TIAM1: variants seen among roughly 807,000 people sequenced by gnomAD.
The protein encoded by TIAM1 is TIAM Rac1 associated GEF 1.
Under a neutral mutation model 163.5 loss-of-function variants are expected in TIAM1, and 65 were observed. That is an observed-to-expected ratio of 0.40 (90% CI 0.33 to 0.49). The LOEUF (loss-of-function observed/expected upper bound fraction) is 0.49, where lower values mean the gene tolerates loss of function less well. Among genes scored for constraint, TIAM1 ranks in the 20% least tolerant of loss-of-function variants. TIAM1 has a pLI of 0.77. For synonymous variants in TIAM1, 833 were observed against 810.1 expected (o/e 1.03, Z -0.48); for missense variants, 1,789 against 2,044.7 (o/e 0.87, Z 2.41).
chr21:31,386,561 C>T (rs1018814755), intron 2 of TIAM1, among the ~76,000 whole-genome samples: 1 of 152,146 alleles, frequency 6.6e-6, no homozygotes, highest in Non-Finnish European at 1.5e-5. Flanking sequence ...CTAAGACACC[C>T]ATATTGCATG....
chr21:31,377,544 G>T (rs2076707990), intron 2 of TIAM1, among the ~76,000 whole-genome samples: 1 of 152,124 alleles, frequency 6.6e-6, no homozygotes, highest in South Asian at 2.1e-4. Context: ...CATCTGCAGT[G>T]ACTACATCAC....
intron 2 of TIAM1, among the ~76,000 whole-genome samples, chr21:31,287,925 G>A (rs953940449): frequency 7.2e-5 from 11 of 152,100 alleles, no homozygotes; most frequent in South Asian, 2.1e-4. Context: ...ATGGCCCAAC[G>A]GGGACAGTGA....
intron 6 of TIAM1, among the ~76,000 whole-genome samples, chr21:31,228,804 C>T (rs2088216773): frequency 6.6e-6 from 1 of 152,142 alleles, no homozygotes; most frequent in African/African-American, 2.4e-5. Flanking sequence ...AATTGACTCA[C>T]AGTTCAGCAT....
At chr21:31,294,126 A>G (rs557269047) in intron 2 of TIAM1, among the ~76,000 whole-genome samples, 2 of 152,294 alleles carry the variant, frequency 1.3e-5, no homozygotes, top group South Asian at 2.1e-4. Flanking sequence ...CTCAATTCCA[A>G]TGCAGCTGGG....
chr21:31,318,011 C>T, intron 2 of TIAM1, among the ~76,000 whole-genome samples: 1 of 152,224 alleles, frequency 6.6e-6, no homozygotes, highest in East Asian at 1.9e-4. Context: ...CTTTAGGTTA[C>T]TGCACAATCA....
intron 16 of TIAM1, among the ~76,000 whole-genome samples, chr21:31,154,694 G>A (rs9647059): frequency 0.15 from 22,102 of 152,092 alleles, 2,074 homozygotes; most frequent in African/African-American, 0.25. Flanking sequence ...TAAGGACAAC[G>A]GAAGCCCAGA....
intron 2 of TIAM1, among the ~76,000 whole-genome samples, chr21:31,332,737 C>A (rs963727342): frequency 6.6e-6 from 1 of 151,534 alleles, no homozygotes; most frequent in Admixed American, 6.6e-5. Flanking sequence ...CGATAAAACA[C>A]CCACACTCAC....
intron 6 of TIAM1, among the ~76,000 whole-genome samples, chr21:31,244,051 G>GT (rs2071364448): frequency 1.3e-5 from 2 of 152,138 alleles, no homozygotes; most frequent in South Asian, 4.1e-4. Flanking sequence ...CTGGTTGGTG[G>GT]TTGCATAATT....
intron 1 of TIAM1, among the ~76,000 whole-genome samples, chr21:31,530,236 C>G (rs944552533): frequency 6.6e-6 from 1 of 152,212 alleles, no homozygotes; most frequent in South Asian, 2.1e-4. Flanking sequence ...TAGCTATCAT[C>G]GATCTACCTG....
At chr21:31,515,732 G>A (rs780337227) in intron 1 of TIAM1, among the ~76,000 whole-genome samples, 12 of 152,154 alleles carry the variant, frequency 7.9e-5, no homozygotes, top group Non-Finnish European at 1.8e-4. Context: ...GCCAGACTCG[G>A]TCAGAATTTC....
chr21:31,244,095 G>GT (rs2071367961), intron 6 of TIAM1, among the ~76,000 whole-genome samples: 1 of 152,118 alleles, frequency 6.6e-6, no homozygotes, highest in South Asian at 2.1e-4. Context: ...GTACACTTAT[G>GT]TTGTGTGCAC....
chr21:31,269,312 A>C (rs1249800798), intron 3 of TIAM1, among the ~76,000 whole-genome samples: 1 of 152,232 alleles, frequency 6.6e-6, no homozygotes, highest in African/African-American at 2.4e-5. Context: ...CCAAGGTAGG[A>C]AAGAAGCCAC....
At chr21:31,475,046 ATTATTATTATTATTAT>A (rs1348823808) in intron 1 of TIAM1, among the ~76,000 whole-genome samples, 3 of 66,642 alleles carry the variant, frequency 4.5e-5, no homozygotes, top group African/African-American at 1.3e-4. Flanking sequence ...TATTATTATT[ATTATTATTATTATTAT>A]TTAGTTTTAG....
At chr21:31,327,531 T>C (rs562658319) in intron 2 of TIAM1, among the ~76,000 whole-genome samples, 1 of 150,356 alleles carries the variant, frequency 6.7e-6, no homozygotes, top group East Asian at 1.9e-4. Flanking sequence ...TCCCAGCTAC[T>C]TGGGAGGCTG....
intron 1 of TIAM1, among the ~76,000 whole-genome samples, chr21:31,550,079 G>A (rs562022446): frequency 4.6e-5 from 7 of 151,770 alleles, no homozygotes; most frequent in African/African-American, 9.7e-5. Flanking sequence ...AGCCGAAATC[G>A]TGCCTCTGCA....
At chr21:31,210,308 GA>G in intron 10 of TIAM1, 93 bp from the exon 11 acceptor site, 1 of 1,385,320 alleles carries the variant, frequency 7.2e-7, no homozygotes, top group Non-Finnish European at 1.0e-6. Context: ...CGATTCCCAT[GA>G]AAACAGCCCA....
At chr21:31,219,742 A>C (rs940366830) in intron 8 of TIAM1, among the ~76,000 whole-genome samples, 3 of 150,552 alleles carry the variant, frequency 2.0e-5, no homozygotes, top group African/African-American at 2.5e-5. Context: ...AAAAAAACAA[A>C]ACAAAACAAA....
rs149621884 is a variant in TIAM1 at position 31,396,832 on chromosome 21, T to G, written c.-368-57410A>C. ...CGGGCCTGGTAGCAGATGCCTGTAA[T>G]CCGAGCTACTCAGGAGGCTGAGACA... is the stretch of plus-strand genomic sequence containing the variant. On this transcript the variant is annotated intron_variant, in intron 2 of 28. Transcript: ENST00000286827. Among the ~76,000 whole-genome samples the G allele has an allele frequency of 9.2e-3, 1,404 of 151,836 alleles. 17 individuals are homozygous for G. The highest frequency in any genetic ancestry group is 0.032 in the African/African-American group (1,314 of 41,398).
At chr21:31,140,760 C>T (rs1319845752) in intron 22 of TIAM1, among the ~76,000 whole-genome samples, 3 of 152,184 alleles carry the variant, frequency 2.0e-5, no homozygotes, top group South Asian at 2.1e-4. Flanking sequence ...CCACTATGTG[C>T]CTGGTGTCAT....
Sources: gnomAD v4.1 joint callset for allele counts (sites outside exome capture counted in the v4.1 genomes callset) on GRCh38, gnomAD v4.1.1 for gene constraint, MANE v1.5 for transcripts, NCBI Gene and HGNC (gene_info 2026-07-23, HGNC 2026-07-21) for gene names.